IL1RAPL2: variants seen among roughly 807,000 people sequenced by gnomAD.
The protein encoded by IL1RAPL2 is interleukin 1 receptor accessory protein like 2.
A neutral mutation model predicts 44.1 loss-of-function variants in IL1RAPL2; 3 were observed. That is an observed-to-expected ratio of 0.07 (90% CI 0.03 to 0.18). The LOEUF (loss-of-function observed/expected upper bound fraction) is 0.18. Among genes scored for constraint, IL1RAPL2 ranks in the 10% least tolerant of loss-of-function variants. The probability of loss-of-function intolerance (pLI) is 1.00; values close to 1 mark genes in which losing one functional copy is unlikely to be tolerated. For missense variants in IL1RAPL2, 391 were observed against 496.4 expected, an observed-to-expected ratio of 0.79 and a Z score of 2.02; for synonymous variants, 181 against 178.8, an observed-to-expected ratio of 1.01 and a Z score of -0.10.
At chrX:104,647,042 T>C (rs894878652) in intron 1 of IL1RAPL2, among the ~76,000 whole-genome samples, 2 of 111,837 alleles carry the variant, frequency 1.8e-5, no homozygotes, top group Non-Finnish European at 3.8e-5. Context: ...CTTTTTTTTT[T>C]TAAGAGATCT....
chrX:104,907,686 G>T (rs1405603901), intron 2 of IL1RAPL2, among the ~76,000 whole-genome samples: 3 of 110,664 alleles, frequency 2.7e-5, no homozygotes, highest in Non-Finnish European at 3.8e-5. Context: ...TATAATTTCT[G>T]TTCTTTTACA....
chrX:104,649,941 T>G (rs1464245264), intron 1 of IL1RAPL2, among the ~76,000 whole-genome samples: 3 of 112,177 alleles, frequency 2.7e-5, no homozygotes, highest in Non-Finnish European at 5.6e-5. Flanking sequence ...TCATTACAAT[T>G]ATCTGTCAAA....
chrX:105,514,402 TCTTAGTTTATA>T (rs1055772155), intron 6 of IL1RAPL2, among the ~76,000 whole-genome samples: 2 of 112,224 alleles, frequency 1.8e-5, no homozygotes, highest in African/African-American at 6.5e-5. Context: ...TCCTTCTGTG[TCTTAGTTTATA>T]CTTTTACCAA....
intron 6 of IL1RAPL2, among the ~76,000 whole-genome samples, chrX:105,604,910 A>G (rs1322416736): frequency 1.8e-5 from 2 of 111,125 alleles, no homozygotes; most frequent in Non-Finnish European, 3.8e-5. Flanking sequence ...GGTGCAGAAA[A>G]AGCATTTGAT....
intron 6 of IL1RAPL2, among the ~76,000 whole-genome samples, chrX:105,563,328 T>C (rs780754265): frequency 9.0e-6 from 1 of 111,571 alleles, no homozygotes; most frequent in African/African-American, 3.3e-5. Flanking sequence ...TAGCATCAAA[T>C]CCCATCCTTG....
At chrX:104,706,412 G>A (rs1403474377) in intron 2 of IL1RAPL2, among the ~76,000 whole-genome samples, 3 of 111,653 alleles carry the variant, frequency 2.7e-5, no homozygotes, top group South Asian at 3.7e-4. Flanking sequence ...CTAAGGTTCC[G>A]GTTATAGAAG....
intron 1 of IL1RAPL2, among the ~76,000 whole-genome samples, chrX:104,586,586 T>A (rs1928568551): frequency 8.9e-6 from 1 of 112,106 alleles, no homozygotes; most frequent in Non-Finnish European, 1.9e-5. Context: ...CTACTTGGAC[T>A]GTGAAATTTT....
intron 2 of IL1RAPL2, among the ~76,000 whole-genome samples, chrX:104,772,629 A>G (rs2147598190): frequency 8.9e-6 from 1 of 112,104 alleles, no homozygotes; most frequent in African/African-American, 3.2e-5. Flanking sequence ...ACATGTTTAA[A>G]GCACAGAGAT....
intron 4 of IL1RAPL2, among the ~76,000 whole-genome samples, chrX:105,246,767 A>G (rs1849775798): frequency 8.9e-6 from 1 of 111,990 alleles, no homozygotes. Context: ...TTCTACATTT[A>G]TTCAAAAGAA....
chrX:105,222,648 CAGTGGAAAT>C (rs1346501121), intron 3 of IL1RAPL2, among the ~76,000 whole-genome samples: 3 of 111,572 alleles, frequency 2.7e-5, no homozygotes, highest in African/African-American at 9.8e-5. Flanking sequence ...TAAACTAAAG[CAGTGGAAAT>C]AGGGATGGAG....
chrX:105,197,028 G>A (rs2033678272), intron 3 of IL1RAPL2, among the ~76,000 whole-genome samples: 1 of 111,392 alleles, frequency 9.0e-6, no homozygotes. Flanking sequence ...AGAACAAGGT[G>A]GTATATAAAT....
At chrX:104,884,208 T>A (rs113709884) in intron 2 of IL1RAPL2, among the ~76,000 whole-genome samples, 5 of 110,787 alleles carry the variant, frequency 4.5e-5, no homozygotes, top group Non-Finnish European at 9.5e-5. Flanking sequence ...GGGTGCAAGT[T>A]TTTGAGAATG....
chrX:105,763,900 A>T (rs1052004681), intron 10 of IL1RAPL2, among the ~76,000 whole-genome samples: 9 of 111,514 alleles, frequency 8.1e-5, no homozygotes, highest in African/African-American at 1.3e-4. Context: ...GGGCCCAAGC[A>T]AATGGCTCAT....
rs1249540784 is a variant in IL1RAPL2, at chrX:104,916,963, C to T, written c.82+257968C>T. ...AAGCTTTTTGATGTGCTGCTGGATT[C>T]GGTTTGCCAGTATTTTATTGAGGAT... On this transcript the variant is annotated intron_variant, in intron 2 of 10. Coordinates refer to ENST00000372582, the MANE Select transcript of IL1RAPL2 (RefSeq NM_017416.2). Among the ~76,000 whole-genome samples the T allele has an allele frequency of 2.7e-5, 3 of 111,359 alleles. No homozygotes were observed. In the Admixed American group the frequency reaches 2.9e-4, roughly 11 times the overall value.
At chrX:105,088,977 G>A (rs114335657) in intron 2 of IL1RAPL2, among the ~76,000 whole-genome samples, 9,172 of 110,219 alleles carry the variant, frequency 0.083, 972 homozygotes, top group African/African-American at 0.29. Context: ...AATACTGAAT[G>A]GGGGAATAAT....
intron 5 of IL1RAPL2, among the ~76,000 whole-genome samples, chrX:105,400,043 G>A (rs140232972): frequency 0.026 from 2,891 of 111,507 alleles, 115 homozygotes; most frequent in African/African-American, 0.09. Flanking sequence ...ATCCCAGGCA[G>A]CAGAAGGGAG....
chrX:104,594,512 T>C (rs1370945452), intron 1 of IL1RAPL2, among the ~76,000 whole-genome samples: 2 of 112,005 alleles, frequency 1.8e-5, no homozygotes, highest in African/African-American at 6.5e-5. Context: ...TGCCCTTTCA[T>C]TCATTTATTC....
intron 5 of IL1RAPL2, among the ~76,000 whole-genome samples, chrX:105,480,163 C>A (rs2036224958): frequency 8.9e-6 from 1 of 112,091 alleles, no homozygotes; most frequent in Non-Finnish European, 1.9e-5. Context: ...AACACTTGGG[C>A]AATGTAGTCA....
At chrX:104,584,822 G>T (rs761365647) in intron 1 of IL1RAPL2, among the ~76,000 whole-genome samples, 2 of 110,655 alleles carry the variant, frequency 1.8e-5, no homozygotes, top group South Asian at 7.6e-4. Context: ...ATGACTAAAA[G>T]GTAGTGGAAA....
Sources: allele counts gnomAD v4.1 joint callset (sites outside exome capture counted in the v4.1 genomes callset), GRCh38; gene constraint gnomAD v4.1.1; transcripts MANE v1.5; gene names NCBI Gene and HGNC (gene_info 2026-07-23, HGNC 2026-07-21).